MYMK: variants seen among roughly 807,000 people sequenced by gnomAD.
The protein encoded by MYMK is myomaker, myoblast fusion factor, also known as protein myomaker.
In MYMK, 16 loss-of-function variants were observed where a neutral mutation model predicts 22.4. The observed-to-expected ratio is 0.72, with a 90% CI of 0.48 to 1.09. The LOEUF (loss-of-function observed/expected upper bound fraction) is 1.09. Among genes scored for constraint, MYMK ranks in the 50% least tolerant of loss-of-function variants. The pLI is 0.00. For synonymous variants in MYMK, 125 were observed against 127.0 expected (o/e 0.98, Z 0.11); for missense variants, 250 against 295.6 (o/e 0.85, Z 1.13).
chr9:133,521,770 C>A (rs1844705775), intron 1 of MYMK, among the ~76,000 whole-genome samples: 1 of 152,188 alleles, frequency 6.6e-6, no homozygotes, highest in South Asian at 2.1e-4. Context: ...AAGACTCCGG[C>A]CCTAGGCTGT....
In MYMK at chr9:133,515,268, C is replaced by T. The variant is rs564522287; in HGVS notation, c.516+223G>A. ...GTCTGTAGGCAGCCAGCTTTGGTCT[C>T]TGTGACCTCCAGGTCCACACAGGCC... is the stretch of plus-strand genomic sequence containing the variant. On this transcript the variant is annotated intron_variant, in intron 4 of 4. Transcript: ENST00000339996. The surrounding 1 kb of genome is among the most constrained non-coding windows in gnomAD (Gnocchi z 5.8). Among the ~76,000 whole-genome samples the T allele has an allele frequency of 8.7e-4, 132 of 151,960 alleles. 2 individuals are homozygous for T. The highest frequency in any genetic ancestry group is 2.9e-3 in the African/African-American group (122 of 41,494).
At chr9:133,521,602 G>A (rs896215740) in intron 1 of MYMK, among the ~76,000 whole-genome samples, 5 of 152,196 alleles carry the variant, frequency 3.3e-5, no homozygotes, top group South Asian at 2.1e-4. Flanking sequence ...AGACTATGCC[G>A]AGCTCTGTGT....
chr9:133,524,689 C>G (rs1244034158), intron 1 of MYMK, 21 bp downstream of exon 1: 2 of 1,614,106 alleles, frequency 1.2e-6, no homozygotes, highest in South Asian at 2.2e-5. Flanking sequence ...TGTGGGACTT[C>G]CTCCCAGCCC....
intron 2 of MYMK, among the ~76,000 whole-genome samples, chr9:133,519,789 C>CGT (rs1193895725): frequency 2.0e-5 from 3 of 152,052 alleles, no homozygotes; most frequent in Non-Finnish European, 4.4e-5. Context: ...GGATATCACC[C>CGT]GTGTGTGTGG....
At chr9:133,524,025 G>T (rs191648624) in intron 1 of MYMK, among the ~76,000 whole-genome samples, 2 of 151,862 alleles carry the variant, frequency 1.3e-5, no homozygotes, top group Non-Finnish European at 2.9e-5. Flanking sequence ...GGTTCTGGGC[G>T]CTCCACTGAA....
chr9:133,519,128 C>T, intron 2 of MYMK, 106 bp from the exon 3 acceptor site: 1 of 1,395,814 alleles, frequency 7.2e-7, no homozygotes, highest in Non-Finnish European at 9.8e-7. Flanking sequence ...GATGCCCTCT[C>T]TCGGTGTCCC....
intron 2 of MYMK, among the ~76,000 whole-genome samples, 163 bp downstream of exon 2, chr9:133,520,011 T>A (rs1672844548): frequency 6.6e-6 from 1 of 152,330 alleles, no homozygotes; most frequent in African/African-American, 2.4e-5. Context: ...TTCTTTTTCA[T>A]AGATTAAGCA....
intron 2 of MYMK, 86 bp from the exon 3 acceptor site, chr9:133,519,108 G>A: frequency 6.5e-7 from 1 of 1,536,782 alleles, no homozygotes; most frequent in Non-Finnish European, 8.8e-7. Flanking sequence ...CCCCCAGGAG[G>A]CATCCTGTAG....
intron 1 of MYMK, among the ~76,000 whole-genome samples, chr9:133,521,730 C>T (rs1258528935): frequency 6.6e-6 from 1 of 152,142 alleles, no homozygotes; most frequent in East Asian, 1.9e-4. Context: ...GATCAAGGTG[C>T]TTACACCTCT....
rs150139371 is a variant in MYMK, at chr9:133,518,686, G to T, written c.399+188C>A. On this transcript the variant is annotated intron_variant, in intron 3 of 4. Transcript: ENST00000339996. Reference sequence around the variant, plus strand: ...CTGGAGCTGGTGAGTACAGACAAGCGTCACACACAGTCTACACAGCCGGAG... The same window carrying T: ...CTGGAGCTGGTGAGTACAGACAAGCTTCACACACAGTCTACACAGCCGGAG... 8.5e-5 allele frequency among the ~76,000 whole-genome samples: 13 copies of T among 152,304 alleles called. No homozygotes were observed. The East Asian group carries it at 1.7e-3, about 20-fold the overall frequency.
chr9:133,515,877 C>T lies in MYMK; in HGVS notation c.400-270G>A, dbSNP rs946470096. ...CCCCACAAAGACCCCGCTGCCCTCCCGCCTCTTTGAGATGTAACAACGCCA... is the reference window on the plus strand; with the variant it reads ...CCCCACAAAGACCCCGCTGCCCTCCTGCCTCTTTGAGATGTAACAACGCCA... On this transcript the variant is annotated intron_variant, in intron 3 of 4. Coordinates refer to ENST00000339996, the MANE Select transcript of MYMK (RefSeq NM_001080483.3). The surrounding 1 kb of genome is among the most constrained non-coding windows in gnomAD (Gnocchi z 5.8). Among the ~76,000 whole-genome samples, 2 of 152,316 alleles carry T rather than the reference C, an allele frequency of 1.3e-5. No homozygotes were observed. Among genetic ancestry groups the T allele is most frequent in the Admixed American group, 6.5e-5 (1 of 15,302 alleles).
intron 2 of MYMK, among the ~76,000 whole-genome samples, chr9:133,519,944 A>G (rs1844678256): frequency 6.6e-6 from 1 of 152,204 alleles, no homozygotes; most frequent in African/African-American, 2.4e-5. Flanking sequence ...CTTTTACTAA[A>G]TGAGTCATTT....
intron 1 of MYMK, among the ~76,000 whole-genome samples, chr9:133,523,682 G>GGAGAGAGAGAGAGAGAGAGAGAGA (rs35845164): frequency 1.6e-5 from 2 of 121,446 alleles, no homozygotes; most frequent in African/African-American, 6.7e-5. Flanking sequence ...AGAGATAGAT[G>GGAGAGAGAGAGAGAGAGAGAGAGA]GAGAGAGAGA....
rs141174978 is a variant in MYMK, at chr9:133,515,673, C to A, written c.400-66G>T. On this transcript the variant is annotated intron_variant, in intron 3 of 4. Transcript: ENST00000339996. The surrounding 1 kb of genome is among the most constrained non-coding windows in gnomAD (Gnocchi z 5.8). ...GCACTGGGGAACGCCCCTCCCCAAACCAGCCCGAGAGCTGGCCCTGCACAG... is the reference window on the plus strand; with the variant it reads ...GCACTGGGGAACGCCCCTCCCCAAAACAGCCCGAGAGCTGGCCCTGCACAG... 973 of 1,097,430 alleles carry A rather than the reference C, an allele frequency of 8.9e-4. 4 individuals carry two copies. The African/African-American group carries it at 0.014, about 15-fold the overall frequency. The allele number at this position is 1,097,430 out of a possible 1,614,324, so 68.0% of individuals were successfully genotyped here.
At chr9:133,517,582 C>A (rs376697984) in intron 3 of MYMK, among the ~76,000 whole-genome samples, 1 of 151,874 alleles carries the variant, frequency 6.6e-6, no homozygotes, top group Non-Finnish European at 1.5e-5. Flanking sequence ...AGGAGAATCG[C>A]TTCAACCCGG....
At chr9:133,524,273 C>T (rs1177407576) in intron 1 of MYMK, among the ~76,000 whole-genome samples, 1 of 152,180 alleles carries the variant, frequency 6.6e-6, no homozygotes, top group East Asian at 1.9e-4. Context: ...TCCCTGAACC[C>T]TGCAGACCCC....
At chr9:133,519,585 G>A (rs1411117619) in intron 2 of MYMK, among the ~76,000 whole-genome samples, 3 of 152,198 alleles carry the variant, frequency 2.0e-5, no homozygotes, top group East Asian at 3.9e-4. Flanking sequence ...ACTATGCAAA[G>A]TGAATAGGAT....
rs756733275 is a variant in MYMK, at chr9:133,515,476, C to T, written c.516+15G>A. 7.6e-6 allele frequency: 12 copies of T among 1,576,214 alleles called. No homozygotes were observed. Among genetic ancestry groups the T allele is most frequent in the South Asian group, 5.5e-5 (5 of 90,184 alleles). The stretch of plus-strand genomic sequence containing the variant: ...GGCTCTGGGGCACAGGACACCTCCC[C>T]GCTGGGCTTGGTACCTCAAAGAAGA... On this transcript the variant is annotated intron_variant, in intron 4 of 4. Coordinates refer to ENST00000339996, the MANE Select transcript of MYMK (RefSeq NM_001080483.3). This position sits in a 1 kb window ranked among gnomAD's most constrained non-coding sequence, Gnocchi z 5.8.
At chr9:133,519,493 G>C (rs116972838) in intron 2 of MYMK, among the ~76,000 whole-genome samples, 219 of 152,252 alleles carry the variant, frequency 1.4e-3, no homozygotes, top group African/African-American at 2.2e-3. Context: ...CTGTGAGTTC[G>C]AGGCTGCAGT....
Sources: gnomAD v4.1 joint callset for allele counts (sites outside exome capture counted in the v4.1 genomes callset) on GRCh38, gnomAD v4.1.1 for gene constraint, Gnocchi (gnomAD v3.1) non-coding constraint, MANE v1.5 for transcripts, NCBI Gene and HGNC (gene_info 2026-07-23, HGNC 2026-07-21) for gene names.